CSMD3: variants seen among roughly 807,000 people sequenced by gnomAD.
CSMD3 encodes CUB and Sushi multiple domains 3.
CSMD3 carries 177 observed loss-of-function variants against 435.2 expected under a neutral mutation model. The ratio of observed to expected loss-of-function variants is 0.41; its 90% CI spans 0.36 to 0.46. The LOEUF (loss-of-function observed/expected upper bound fraction) is 0.46. CSMD3 is among the 20% of genes least tolerant of loss of function. The pLI, the probability that CSMD3 is intolerant of heterozygous loss-of-function variation, is 0.34. For missense variants in CSMD3, 4,265 were observed against 4,504.6 expected, an observed-to-expected ratio of 0.95 and a Z score of 1.52; for synonymous variants, 1,656 against 1,520.5, an observed-to-expected ratio of 1.09 and a Z score of -2.07.
At chr8:112,868,197 CA>C (rs1415865108) in intron 10 of CSMD3, among the ~76,000 whole-genome samples, 3 of 152,102 alleles carry the variant, frequency 2.0e-5, no homozygotes. Flanking sequence ...GACAGATCCT[CA>C]GGGGTAATAA....
At chr8:112,534,178 C>T in intron 27 of CSMD3, among the ~76,000 whole-genome samples, 1 of 152,006 alleles carries the variant, frequency 6.6e-6, no homozygotes, top group East Asian at 1.9e-4. Context: ...AAAATCAGAG[C>T]ACAACTGAAG....
intron 13 of CSMD3, among the ~76,000 whole-genome samples, chr8:112,762,984 T>C (rs1251626271): frequency 6.6e-6 from 1 of 151,726 alleles, no homozygotes; most frequent in Non-Finnish European, 1.5e-5. Context: ...AGCGATGTAT[T>C]GTACCTGATG....
At chr8:113,147,795 G>A (rs1376716905) in intron 4 of CSMD3, among the ~76,000 whole-genome samples, 1 of 151,510 alleles carries the variant, frequency 6.6e-6, no homozygotes. Flanking sequence ...TCCTTGATAA[G>A]GCCTTACCAT....
intron 9 of CSMD3, among the ~76,000 whole-genome samples, chr8:112,942,371 C>T (rs1453248439): frequency 6.6e-6 from 1 of 151,432 alleles, no homozygotes; most frequent in Non-Finnish European, 1.5e-5. Flanking sequence ...CGTATATACC[C>T]AAAGGAAAAT....
intron 56 of CSMD3, among the ~76,000 whole-genome samples, chr8:112,290,932 G>A (rs1350366927): frequency 6.6e-6 from 1 of 151,938 alleles, no homozygotes; most frequent in Non-Finnish European, 1.5e-5. Context: ...GTTACTTTAA[G>A]CATCTTGGCT....
At chr8:112,411,362 A>C (rs1311614544) in intron 32 of CSMD3, among the ~76,000 whole-genome samples, 1 of 151,840 alleles carries the variant, frequency 6.6e-6, no homozygotes. Context: ...AGAGTTGAGA[A>C]AGCTAGGAGT....
chr8:112,498,783 G>T (rs970483561), intron 30 of CSMD3, among the ~76,000 whole-genome samples: 5 of 151,964 alleles, frequency 3.3e-5, no homozygotes, highest in Admixed American at 3.3e-4. Flanking sequence ...CAGCTTGCAG[G>T]TATAAGTAGC....
intron 35 of CSMD3, among the ~76,000 whole-genome samples, chr8:112,394,101 C>T (rs1386518843): frequency 6.6e-6 from 1 of 152,128 alleles, no homozygotes; most frequent in Non-Finnish European, 1.5e-5. Flanking sequence ...TCTTCATCCA[C>T]ACTCTCTTTC....
chr8:113,103,872 A>G (rs1245073049), intron 4 of CSMD3, among the ~76,000 whole-genome samples: 1 of 152,092 alleles, frequency 6.6e-6, no homozygotes, highest in East Asian at 1.9e-4. Context: ...TCACAAATGT[A>G]CTTTTTCCTA....
At chr8:112,942,630 T>A (rs2083485877) in intron 9 of CSMD3, among the ~76,000 whole-genome samples, 1 of 151,802 alleles carries the variant, frequency 6.6e-6, no homozygotes, top group Non-Finnish European at 1.5e-5. Flanking sequence ...AAATACCAAG[T>A]GTTCTCACTT....
intron 3 of CSMD3, among the ~76,000 whole-genome samples, chr8:113,230,752 T>A (rs1362172449): frequency 6.6e-6 from 1 of 151,598 alleles, no homozygotes; most frequent in Non-Finnish European, 1.5e-5. Flanking sequence ...CCTTTTCCCA[T>A]GTTGGTTTTT....
rs375817734 is a variant in CSMD3, at chr8:113,401,278, G to T, written c.178+35399C>A. Among the ~76,000 whole-genome samples the T allele has an allele frequency of 1.3e-4, 20 of 151,718 alleles. No individual in the cohort carries two copies. The South Asian group carries it at 1.7e-3, about 13-fold the overall frequency. On this transcript the variant is annotated intron_variant, in intron 1 of 70. Transcript: ENST00000297405. ...TTATAATACATGGTTAACAATTTGG[G>T]TTGAGCAGATTCCAAGAGATAAATT...
At chr8:113,185,671 T>C (rs1359484056) in intron 3 of CSMD3, among the ~76,000 whole-genome samples, 2 of 152,090 alleles carry the variant, frequency 1.3e-5, no homozygotes, top group Non-Finnish European at 2.9e-5. Context: ...AGAGTATGTT[T>C]CTTGGTCTGA....
At chr8:113,118,026 G>A (rs1194674191) in intron 4 of CSMD3, among the ~76,000 whole-genome samples, 2 of 152,130 alleles carry the variant, frequency 1.3e-5, no homozygotes, top group Non-Finnish European at 2.9e-5. Context: ...GGTTACTGCT[G>A]GAATGAGTTG....
intron 4 of CSMD3, among the ~76,000 whole-genome samples, chr8:113,153,166 G>GGAAA (rs2091863331): frequency 1.4e-5 from 2 of 139,600 alleles, no homozygotes; most frequent in Non-Finnish European, 3.1e-5. Flanking sequence ...AAGGAAGGAA[G>GGAAA]GAAGGAAAGA....
chr8:112,910,242 ACTGAGCTAAAT>A (rs1205393570), intron 10 of CSMD3, among the ~76,000 whole-genome samples: 1 of 151,714 alleles, frequency 6.6e-6, no homozygotes, highest in Non-Finnish European at 1.5e-5. Flanking sequence ...GATGGGGATC[ACTGAGCTAAAT>A]GAAACCCTCA....
At chr8:113,424,522 A>G (rs1224660608) in intron 1 of CSMD3, among the ~76,000 whole-genome samples, 2 of 151,564 alleles carry the variant, frequency 1.3e-5, no homozygotes, top group African/African-American at 4.8e-5. Flanking sequence ...AATAAGGGAC[A>G]GAGATTTGAA....
At chr8:113,155,153 CTGAAGTG>C (rs2091906315) in intron 4 of CSMD3, among the ~76,000 whole-genome samples, 1 of 151,932 alleles carries the variant, frequency 6.6e-6, no homozygotes, top group Admixed American at 6.6e-5. Context: ...AAAGCTATTA[CTGAAGTG>C]TGAAAAGAGG....
At chr8:112,279,043 C>CAAA (rs1818372524) in intron 59 of CSMD3, among the ~76,000 whole-genome samples, 2 of 147,196 alleles carry the variant, frequency 1.4e-5, no homozygotes, top group South Asian at 4.2e-4. Context: ...ACAACAACAA[C>CAAA]AACAACAACA....
Sources: gnomAD v4.1 joint callset for allele counts (sites outside exome capture counted in the v4.1 genomes callset) on GRCh38, gnomAD v4.1.1 for gene constraint, MANE v1.5 for transcripts, NCBI Gene and HGNC (gene_info 2026-07-23, HGNC 2026-07-21) for gene names.